Variants in RBFOX1 observed in about 807,000 individuals in gnomAD.
The protein encoded by RBFOX1 is RNA binding protein fox-1 homolog 1.
RBFOX1 carries 8 observed loss-of-function variants against 57.7 expected under a neutral mutation model. The observed-to-expected ratio is 0.14, with a 90% confidence interval of 0.08 to 0.25. The LOEUF (loss-of-function observed/expected upper bound fraction) is 0.25, where lower values mean the gene tolerates loss of function less well. Among genes scored for constraint, RBFOX1 ranks in the 10% least tolerant of loss-of-function variants. The probability of loss-of-function intolerance (pLI) is 1.00; values close to 1 mark genes in which losing one functional copy is unlikely to be tolerated. For synonymous variants in RBFOX1, 326 were observed against 222.4 expected (o/e 1.47, Z -4.15); for missense variants, 611 against 548.5 (o/e 1.11, Z -1.14).
chr16:7,556,922 C>T (rs1220515183), intron 5 of RBFOX1, among the ~76,000 whole-genome samples: 1 of 152,132 alleles, frequency 6.6e-6, no homozygotes, highest in Non-Finnish European at 1.5e-5. Context: ...ATCTATCAAC[C>T]ATTTCCATAG....
At chr16:6,882,877 C>T (rs1457098662) in intron 3 of RBFOX1, among the ~76,000 whole-genome samples, 2 of 152,158 alleles carry the variant, frequency 1.3e-5, no homozygotes, top group East Asian at 3.9e-4. Flanking sequence ...CATCTTCCTG[C>T]TCTGTTCCTA....
At chr16:7,319,019 T>C (rs1271472607) in intron 4 of RBFOX1, among the ~76,000 whole-genome samples, 1 of 152,180 alleles carries the variant, frequency 6.6e-6, no homozygotes, top group Non-Finnish European at 1.5e-5. Context: ...TTGGGCATCA[T>C]TGGTAAGTTT....
At chr16:5,763,117 A>T (rs752999518) in intron 3 of RBFOX1, among the ~76,000 whole-genome samples, 1 of 152,196 alleles carries the variant, frequency 6.6e-6, no homozygotes, top group Admixed American at 6.5e-5. Flanking sequence ...AAGAAAGTAG[A>T]ACATAAATGC....
chr16:5,718,973 T>A (rs1340215352), intron 3 of RBFOX1, among the ~76,000 whole-genome samples: 5 of 147,046 alleles, frequency 3.4e-5, no homozygotes, highest in South Asian at 2.1e-4. Context: ...TGTGTATAGT[T>A]AAAAAAAAAA....
intron 3 of RBFOX1, among the ~76,000 whole-genome samples, chr16:5,735,308 T>C (rs2052532045): frequency 6.6e-6 from 1 of 152,218 alleles, no homozygotes; most frequent in East Asian, 1.9e-4. Context: ...ACCCAGACAG[T>C]GTTAGTTCTG....
chr16:6,218,844 T>C (rs1373286864), intron 1 of RBFOX1, among the ~76,000 whole-genome samples: 2 of 95,230 alleles, frequency 2.1e-5, no homozygotes, highest in African/African-American at 3.5e-5. Flanking sequence ...ATGGAGACAA[T>C]TGAAGCCAGA....
intron 4 of RBFOX1, among the ~76,000 whole-genome samples, chr16:7,071,836 C>T (rs1293612661): frequency 2.0e-5 from 3 of 152,074 alleles, no homozygotes; most frequent in Non-Finnish European, 4.4e-5. Flanking sequence ...GCCCATTAAT[C>T]TGCTCTTCCT....
At chr16:6,453,227 AC>A in intron 2 of RBFOX1, among the ~76,000 whole-genome samples, 1 of 152,188 alleles carries the variant, frequency 6.6e-6, no homozygotes, top group South Asian at 2.1e-4. Flanking sequence ...CCTGTCATCT[AC>A]ATTAGGTATT....
intron 2 of RBFOX1, among the ~76,000 whole-genome samples, chr16:6,586,080 A>G (rs1431073614): frequency 6.6e-6 from 1 of 152,216 alleles, no homozygotes; most frequent in Non-Finnish European, 1.5e-5. Flanking sequence ...TTAATTTGAA[A>G]TGCTTCACAT....
chr16:5,312,047 G>T (rs1310104197), intron 1 of RBFOX1, among the ~76,000 whole-genome samples: 1 of 152,194 alleles, frequency 6.6e-6, no homozygotes, highest in African/African-American at 2.4e-5. Flanking sequence ...CCTAGAAGGG[G>T]CTCAGGAGGG....
intron 2 of RBFOX1, among the ~76,000 whole-genome samples, chr16:6,560,157 A>T (rs1014954686): frequency 5.1e-5 from 7 of 136,928 alleles, no homozygotes; most frequent in African/African-American, 1.1e-4. Context: ...ATGGTAATCA[A>T]TTCGTTTGCC....
intron 3 of RBFOX1, among the ~76,000 whole-genome samples, chr16:5,843,209 G>A (rs1162569050): frequency 6.6e-6 from 1 of 152,122 alleles, no homozygotes; most frequent in Non-Finnish European, 1.5e-5. Context: ...CGTCTCAGGG[G>A]TTTGTTTTAC....
At chr16:7,707,300 C>G (rs890367290) in intron 14 of RBFOX1, among the ~76,000 whole-genome samples, 14 of 152,082 alleles carry the variant, frequency 9.2e-5, no homozygotes, top group African/African-American at 3.4e-4. Context: ...ACGCTTTCTT[C>G]ACCTTCTCAG....
chr16:6,491,702 A>G (rs1331388857), intron 2 of RBFOX1, among the ~76,000 whole-genome samples: 1 of 152,160 alleles, frequency 6.6e-6, no homozygotes, highest in African/African-American at 2.4e-5. Flanking sequence ...TGTTATACCC[A>G]GGGTTCATGA....
chr16:6,780,099 TTTTATATATTTATATATATTTA>T (rs2080431403), intron 3 of RBFOX1, among the ~76,000 whole-genome samples: 1 of 19,450 alleles, frequency 5.1e-5, no homozygotes, highest in African/African-American at 4.8e-4. Context: ...ATTTATATAT[TTTTATATATTTATATATATTTA>T]TATATATATT....
intron 3 of RBFOX1, among the ~76,000 whole-genome samples, chr16:6,750,690 G>A (rs1457976715): frequency 1.3e-5 from 2 of 152,318 alleles, no homozygotes; most frequent in East Asian, 3.9e-4. Flanking sequence ...ATTCATTCAT[G>A]CATTCATTCA....
At chr16:6,373,514 A>G (rs1478075079) in intron 2 of RBFOX1, among the ~76,000 whole-genome samples, 1 of 151,186 alleles carries the variant, frequency 6.6e-6, no homozygotes, top group African/African-American at 2.4e-5. Context: ...GGAAATGTAT[A>G]GTTGGATACA....
At chr16:7,210,844 T>G (rs1271020595) in intron 4 of RBFOX1, among the ~76,000 whole-genome samples, 2 of 152,000 alleles carry the variant, frequency 1.3e-5, no homozygotes, top group Non-Finnish European at 2.9e-5. Flanking sequence ...ATGATGACTC[T>G]AAGAAATAAT....
At chr16:5,262,824 G>C (rs1289675560) in intron 1 of RBFOX1, among the ~76,000 whole-genome samples, 2 of 152,138 alleles carry the variant, frequency 1.3e-5, no homozygotes, top group African/African-American at 4.8e-5. Context: ...ATATTCAAGA[G>C]GTGAAAATTG....
Sources: allele counts gnomAD v4.1 joint callset (sites outside exome capture counted in the v4.1 genomes callset), GRCh38; gene constraint gnomAD v4.1.1; transcripts MANE v1.5; gene names NCBI Gene and HGNC (gene_info 2026-07-23, HGNC 2026-07-21).